The following DCAF6 variants were observed in gnomAD, a reference collection of about 807,000 sequenced individuals.
DCAF6 encodes DDB1 and CUL4 associated factor 6, also known as DDB1- and CUL4-associated factor 6.
A neutral mutation model predicts 125.1 loss-of-function variants in DCAF6; 54 were observed. That is an observed-to-expected ratio of 0.43 (90% CI 0.35 to 0.54). The LOEUF (loss-of-function observed/expected upper bound fraction) is 0.54. Ranked by LOEUF, DCAF6 falls within the 20% of genes least tolerant of loss-of-function variation. DCAF6 has a pLI of 0.01. For synonymous variants in DCAF6, 371 were observed against 390.4 expected (o/e 0.95, Z 0.58); for missense variants, 934 against 1,161.7 (o/e 0.80, Z 2.85).
At chr1:167,958,649 T>C (rs932399057) in intron 2 of DCAF6, among the ~76,000 whole-genome samples, 4 of 152,200 alleles carry the variant, frequency 2.6e-5, no homozygotes, top group African/African-American at 9.6e-5. Context: ...ACTTAATGGC[T>C]CAGACATTTC....
At chr1:167,871,131 C>T in the DCAF6 span, among the ~76,000 whole-genome samples, 173 of 151,808 alleles carry the variant, frequency 1.1e-3, no homozygotes, top group Non-Finnish European at 2.1e-3. Flanking sequence ...TAGACTATTA[C>T]ATTAGGAAAT....
rs552208317 is a variant in DCAF6, at chr1:167,967,714, C to CTTTTTTTTTTTTTTTTTTTTT, written c.252+999_252+1019dup. ...CCTGATTGTCTTAAATTTCCTGTAT[C>CTTTTTTTTTTTTTTTTTTTTT]TTTTTTTTTTTTTTTTTTTTTTTTT... On this transcript the variant is annotated intron_variant, in intron 3 of 21. Coordinates refer to ENST00000367840, the MANE Select transcript of DCAF6 (RefSeq NM_001198956.2). Among the ~76,000 whole-genome samples, 12 of 74,578 alleles carry CTTTTTTTTTTTTTTTTTTTTT rather than the reference C, an allele frequency of 1.6e-4. 1 individual carries two copies. The highest frequency in any genetic ancestry group is 6.3e-4 in the African/African-American group (12 of 18,982). The allele number at this position is 74,578 out of a possible 152,430, so 48.9% of individuals were successfully genotyped here.
intron 3 of DCAF6, chr1:167,969,246 G>A (rs1676928959): frequency 6.6e-6 from 1 of 152,162 alleles, no homozygotes; most frequent in Non-Finnish European, 1.5e-5. Context: ...GCTGTTTGAA[G>A]CTGGATCTTA....
chr1:167,923,309 CAT>C, the DCAF6 span, among the ~76,000 whole-genome samples: 1 of 151,998 alleles, frequency 6.6e-6, no homozygotes, highest in Non-Finnish European at 1.5e-5. Context: ...GTCCAATCAA[CAT>C]ATAGAAGAAT....
At chr1:167,960,061 T>G (rs1439037601) in intron 2 of DCAF6, among the ~76,000 whole-genome samples, 1 of 151,954 alleles carries the variant, frequency 6.6e-6, no homozygotes, top group Non-Finnish European at 1.5e-5. Context: ...TGTCTAGATT[T>G]TATTTTTATT....
intron 1 of DCAF6, among the ~76,000 whole-genome samples, chr1:167,942,430 C>T (rs1672395776): frequency 6.6e-6 from 1 of 152,128 alleles, no homozygotes; most frequent in Non-Finnish European, 1.5e-5. Context: ...TTTTGTCATC[C>T]ATATAGTCTG....
At chr1:167,883,426 T>C in the DCAF6 span, 1 of 1,614,142 alleles carries the variant, frequency 6.2e-7, no homozygotes, top group Admixed American at 1.7e-5. Context: ...CATCCCATAG[T>C]TCACACTTAC....
intron 21 of DCAF6, among the ~76,000 whole-genome samples, chr1:168,073,864 C>T (rs991460114): frequency 1.3e-5 from 2 of 150,732 alleles, no homozygotes; most frequent in African/African-American, 2.4e-5. Flanking sequence ...CCTTAGGTAG[C>T]CTTTTATTGG....
intron 7 of DCAF6, 141 bp from the exon 8 acceptor site, chr1:168,002,341 G>A: frequency 1.5e-6 from 1 of 647,060 alleles, no homozygotes; most frequent in South Asian, 2.0e-5. Context: ...TTATACCAGT[G>A]TCTTTCATAT....
chr1:168,000,861 C>T (rs1454622217), intron 7 of DCAF6, among the ~76,000 whole-genome samples: 3 of 151,694 alleles, frequency 2.0e-5, no homozygotes, highest in Non-Finnish European at 2.9e-5. Flanking sequence ...TGGGGAGTGG[C>T]TGATGATGGT....
intron 2 of DCAF6, among the ~76,000 whole-genome samples, chr1:167,962,770 C>T (rs1051220561): frequency 6.6e-6 from 1 of 151,976 alleles, no homozygotes; most frequent in Non-Finnish European, 1.5e-5. Flanking sequence ...GCCTGGCCAA[C>T]GTGGCAAAAC....
At chr1:168,023,198 T>C (rs762909910) in intron 12 of DCAF6, 151 bp downstream of exon 12, 13 of 787,146 alleles carry the variant, frequency 1.7e-5, no homozygotes, top group Non-Finnish European at 2.7e-5. Context: ...GGTGGTATTG[T>C]ACATAAAAGG....
the DCAF6 span, among the ~76,000 whole-genome samples, chr1:167,925,546 G>T: frequency 0.27 from 26,876 of 101,314 alleles, 3,361 homozygotes; most frequent in African/African-American, 0.37. Context: ...TTTTTTTTTG[G>T]TTTTTTTTGT....
intron 2 of DCAF6, among the ~76,000 whole-genome samples, chr1:167,957,759 G>A (rs563182996): frequency 1.3e-5 from 2 of 151,986 alleles, no homozygotes; most frequent in South Asian, 2.1e-4. Flanking sequence ...CAACATACAG[G>A]GTTCCAGTTT....
intron 1 of DCAF6, among the ~76,000 whole-genome samples, chr1:167,937,909 T>C (rs1204750969): frequency 2.6e-5 from 4 of 152,230 alleles, no homozygotes; most frequent in Non-Finnish European, 5.9e-5. Context: ...AAAATTTTTT[T>C]CTTTCCAGTT....
At chr1:167,880,750 T>C in the DCAF6 span, 5 of 716,440 alleles carry the variant, frequency 7.0e-6, no homozygotes, top group South Asian at 2.9e-5. Flanking sequence ...AGTATTTTAT[T>C]TTTAGTACAC....
the DCAF6 span, among the ~76,000 whole-genome samples, chr1:167,891,460 T>C: frequency 6.6e-6 from 1 of 151,150 alleles, no homozygotes; most frequent in South Asian, 2.1e-4. Context: ...ATCGAGACCA[T>C]CCTGGCTAAC....
chr1:167,942,549 C>T (rs992256128), intron 1 of DCAF6, among the ~76,000 whole-genome samples: 1 of 152,046 alleles, frequency 6.6e-6, no homozygotes, highest in African/African-American at 2.4e-5. Flanking sequence ...CAGTTTATGT[C>T]TTTTTCTTAA....
intron 2 of DCAF6, among the ~76,000 whole-genome samples, chr1:167,957,886 T>C (rs1675011797): frequency 6.6e-6 from 1 of 152,198 alleles, no homozygotes; most frequent in Admixed American, 6.5e-5. Context: ...TGATGACTAA[T>C]GATGTTGAGC....
Sources: allele counts gnomAD v4.1 joint callset (sites outside exome capture counted in the v4.1 genomes callset), GRCh38; gene constraint gnomAD v4.1.1; transcripts MANE v1.5; gene names NCBI Gene and HGNC (gene_info 2026-07-23, HGNC 2026-07-21).